The following PPFIBP2 variants were observed in gnomAD, a reference collection of about 807,000 sequenced individuals.
PPFIBP2 encodes PPFIB scaffold protein 2, also known as liprin-beta-2.
Under a neutral mutation model 118.3 loss-of-function variants are expected in PPFIBP2, and 118 were observed. That is an observed-to-expected ratio of 1.00 (90% CI 0.86 to 1.16). The LOEUF (loss-of-function observed/expected upper bound fraction) is 1.16, where lower values mean the gene tolerates loss of function less well. Ranked by LOEUF, PPFIBP2 falls within the 50% of genes most tolerant of loss-of-function variation. The probability of loss-of-function intolerance (pLI) is 0.00; values close to 1 mark genes in which losing one functional copy is unlikely to be tolerated. For synonymous variants in PPFIBP2, 414 were observed against 397.4 expected, an observed-to-expected ratio of 1.04 and a Z score of -0.50; for missense variants, 1,195 against 1,073.1, an observed-to-expected ratio of 1.11 and a Z score of -1.59.
chr11:7,628,229 G>A, intron 8 of PPFIBP2, 56 bp from the exon 9 acceptor site: 4 of 1,455,924 alleles, frequency 2.7e-6, no homozygotes, highest in Non-Finnish European at 2.9e-6. Flanking sequence ...CATAGCAAGT[G>A]CGGATAGCTG....
chr11:7,551,193 T>G (rs1390889539), intron 2 of PPFIBP2, among the ~76,000 whole-genome samples: 1 of 152,166 alleles, frequency 6.6e-6, no homozygotes, highest in African/African-American at 2.4e-5. Flanking sequence ...GATACTGACC[T>G]GTGAGCTCCT....
At chr11:7,556,557 T>C (rs537550534) in intron 2 of PPFIBP2, among the ~76,000 whole-genome samples, 7 of 152,360 alleles carry the variant, frequency 4.6e-5, no homozygotes, top group East Asian at 3.9e-4. Context: ...ATTCTCCAAA[T>C]TATTGTTTTT....
intron 1 of PPFIBP2, among the ~76,000 whole-genome samples, chr11:7,535,398 G>A (rs1380546591): frequency 1.3e-5 from 2 of 152,194 alleles, no homozygotes; most frequent in Non-Finnish European, 2.9e-5. Context: ...CCAGGAGCAG[G>A]TCAGGCTCAG....
intron 4 of PPFIBP2, among the ~76,000 whole-genome samples, chr11:7,594,894 G>A (rs569888684): frequency 1.5e-5 from 2 of 133,854 alleles, no homozygotes; most frequent in Admixed American, 1.7e-4. Flanking sequence ...TCCAGCCTGG[G>A]CAACAGAGCG....
downstream of PPFIBP2, among the ~76,000 whole-genome samples, chr11:7,661,067 T>C (rs1183966271): frequency 6.6e-6 from 1 of 152,064 alleles, no homozygotes; most frequent in African/African-American, 2.4e-5. Context: ...GCTAGCAGTC[T>C]ATCAATTTTG....
intron 12 of PPFIBP2, 108 bp downstream of exon 12, chr11:7,633,042 T>A (rs932677398): frequency 2.1e-6 from 2 of 956,466 alleles, no homozygotes; most frequent in Admixed American, 2.0e-5. Context: ...CACTGAGTCC[T>A]AGGTGCACCT....
At position 7,648,453 on chromosome 11, in the gene PPFIBP2, C is replaced by T. The variant is rs1392275733; in HGVS notation, c.1713C>T (p.Gly571=). 1 of 1,613,896 alleles carries T rather than the reference C, an allele frequency of 6.2e-7. No homozygotes were observed. The highest frequency in any genetic ancestry group is 1.3e-5 in the African/African-American group (1 of 74,862). ...ERVCAWLEDF[G]LAQYVIFARQ... Reference sequence around the variant, plus strand: ...TGTGTGCATGGCTGGAGGACTTTGGCCTGGCTCAGTATGTGATCTTTGCCA... The same window carrying T: ...TGTGTGCATGGCTGGAGGACTTTGGTCTGGCTCAGTATGTGATCTTTGCCA... The change falls in exon 18 of 24, where the codon GGC becomes GGT. Residue 571 remains glycine (G), a synonymous_variant. Coordinates refer to ENST00000299492, the MANE Select transcript of PPFIBP2 (RefSeq NM_003621.5).
At position 7,642,292 on chromosome 11, in the gene PPFIBP2, A is replaced by G. The variant is rs752120104; in HGVS notation, c.1518-6A>G. On this transcript the variant is annotated splice_region_variant and splice_polypyrimidine_tract_variant and intron_variant, in intron 16 of 23. Transcript: ENST00000299492. ...TGACCGTCTCCATGGATTCTTCTCC[A>G]TGCAGAATCCGAAGAACTCAGTCAG... 6 of 1,613,852 alleles carry G rather than the reference A, an allele frequency of 3.7e-6. No homozygotes were observed. Among genetic ancestry groups the G allele is most frequent in the South Asian group, 1.1e-5 (1 of 91,072 alleles).
intron 2 of PPFIBP2, 70 bp downstream of exon 2, chr11:7,549,609 CTTTTT>C (rs386373033): frequency 6.9e-5 from 79 of 1,143,438 alleles, no homozygotes; most frequent in South Asian, 2.5e-4. Context: ...TCTCCTTTTA[CTTTTT>C]TTTTTTTTTT....
intron 3 of PPFIBP2, among the ~76,000 whole-genome samples, chr11:7,588,468 C>T (rs1345449662): frequency 6.6e-6 from 1 of 152,246 alleles, no homozygotes; most frequent in Admixed American, 6.5e-5. Flanking sequence ...AAAATACCCA[C>T]ACCTTAGGCT....
Position 7,648,370 on chromosome 11 carries a change from G to T in PPFIBP2, c.1647-17G>T. 6.2e-7 allele frequency: 1 copy of T among 1,603,036 alleles called. No individual in the cohort carries two copies. Among genetic ancestry groups the T allele is most frequent in the Non-Finnish European group, 8.5e-7 (1 of 1,170,926 alleles). Reference sequence around the variant, plus strand: ...GCTCTCCCACTAACAGGAATATGCTGTTTTCCTGCTTCCCAGTGACGCCAA... The same window carrying T: ...GCTCTCCCACTAACAGGAATATGCTTTTTTCCTGCTTCCCAGTGACGCCAA... On this transcript the variant is annotated splice_polypyrimidine_tract_variant and intron_variant, in intron 17 of 23. Coordinates refer to ENST00000299492, the MANE Select transcript of PPFIBP2 (RefSeq NM_003621.5).
At chr11:7,604,026 TGAA>T (rs1473027583) in intron 5 of PPFIBP2, among the ~76,000 whole-genome samples, 1 of 152,128 alleles carries the variant, frequency 6.6e-6, no homozygotes, top group East Asian at 1.9e-4. Flanking sequence ...GATTCCACCA[TGAA>T]GGTCAGGAAG....
chr11:7,604,163 A>G (rs1316627010), intron 5 of PPFIBP2, among the ~76,000 whole-genome samples: 1 of 152,176 alleles, frequency 6.6e-6, no homozygotes, highest in Non-Finnish European at 1.5e-5. Context: ...TCCTTACAGG[A>G]TTGACAGAAT....
the PPFIBP2 span, chr11:7,666,372 CAA>C: frequency 3.2e-6 from 3 of 924,442 alleles, no homozygotes; most frequent in East Asian, 7.3e-5. Flanking sequence ...TAAAACAAAA[CAA>C]AGAGACAGAG....
intron 6 of PPFIBP2, among the ~76,000 whole-genome samples, chr11:7,611,911 A>T (rs760300828): frequency 6.6e-6 from 1 of 152,208 alleles, no homozygotes; most frequent in African/African-American, 2.4e-5. Flanking sequence ...TTGAGGGAGA[A>T]GTAACTGAAT....
downstream of PPFIBP2, among the ~76,000 whole-genome samples, chr11:7,660,460 C>A: frequency 6.7e-6 from 1 of 148,494 alleles, no homozygotes; most frequent in Non-Finnish European, 1.5e-5. Flanking sequence ...TATTGATTTG[C>A]GTCTATTAAA....
At chr11:7,665,545 G>T in the PPFIBP2 span, 1 of 1,600,292 alleles carries the variant, frequency 6.2e-7, no homozygotes, top group Non-Finnish European at 8.5e-7. Context: ...TGTACTTCCA[G>T]CCTGAAATGA....
At position 7,589,197 on chromosome 11, in the gene PPFIBP2, T is replaced by C. The variant is rs142850905; in HGVS notation, c.280-3935T>C. 2.0e-3 allele frequency among the ~76,000 whole-genome samples: 307 copies of C among 152,294 alleles called. 1 individual carries two copies. Among genetic ancestry groups the C allele is most frequent in the African/African-American group, 7.1e-3 (297 of 41,564 alleles). On this transcript the variant is annotated intron_variant, in intron 3 of 23. Coordinates refer to ENST00000299492, the MANE Select transcript of PPFIBP2 (RefSeq NM_003621.5). ...ATTGGTTGAGTAAAAATTAGCTCTT[T>C]CTTATATTCATCTGTGGATTGAGCA...
chr11:7,642,902 G>T (rs1337334937), intron 17 of PPFIBP2, among the ~76,000 whole-genome samples: 2 of 152,178 alleles, frequency 1.3e-5, no homozygotes, highest in Non-Finnish European at 2.9e-5. Flanking sequence ...AGCTTATTTT[G>T]CACATGGATA....
Sources: gnomAD v4.1 joint callset for allele counts (sites outside exome capture counted in the v4.1 genomes callset) on GRCh38, gnomAD v4.1.1 for gene constraint, MANE v1.5 for transcripts, NCBI Gene and HGNC (gene_info 2026-07-23, HGNC 2026-07-21) for gene names.